The following GYPB variants were observed in gnomAD, a reference collection of about 807,000 sequenced individuals.
GYPB encodes the protein glycophorin B (MNS blood group), also known as glycophorin-B.
A neutral mutation model predicts 15.3 loss-of-function variants in GYPB; 13 were observed. That is an observed-to-expected ratio of 0.85 (90% CI 0.55 to 1.35). The LOEUF (loss-of-function observed/expected upper bound fraction) is 1.35. GYPB is among the 40% of genes most tolerant of loss of function. The pLI is 0.00. For synonymous variants in GYPB, 38 were observed against 36.9 expected, an observed-to-expected ratio of 1.03 and a Z score of -0.11; for missense variants, 131 against 108.3, an observed-to-expected ratio of 1.21 and a Z score of -0.93.
chr4:144,014,852 A>G (rs529116034), intron 1 of GYPB, among the ~76,000 whole-genome samples: 9 of 151,670 alleles, frequency 5.9e-5, no homozygotes, highest in South Asian at 2.1e-4. Flanking sequence ...GGCACAAAGT[A>G]AGTGCTATAT....
At chr4:144,002,141 A>G (rs572547976) in intron 1 of GYPB, among the ~76,000 whole-genome samples, 2 of 151,398 alleles carry the variant, frequency 1.3e-5, no homozygotes, top group African/African-American at 4.9e-5. Context: ...AAAATTTTAT[A>G]AATTCTTTAA....
At chr4:143,999,860 C>G (rs1579048262) in intron 2 of GYPB, among the ~76,000 whole-genome samples, 3 of 151,654 alleles carry the variant, frequency 2.0e-5, no homozygotes, top group African/African-American at 7.3e-5. Context: ...GGTCATGCGG[C>G]TATCAATTTT....
intron 1 of GYPB, among the ~76,000 whole-genome samples, chr4:144,008,877 A>T (rs1304991383): frequency 6.6e-6 from 1 of 151,498 alleles, no homozygotes; most frequent in African/African-American, 2.5e-5. Context: ...CAGCAGTGAG[A>T]ACAACTGCTC....
Position 144,001,192 on chromosome 4 carries a change from C to T in GYPB, c.129G>A (p.Gln43=). 2 of 1,612,882 alleles carry T rather than the reference C, an allele frequency of 1.2e-6. No individual in the cohort carries two copies. Among genetic ancestry groups the T allele is most frequent in the Non-Finnish European group, 1.7e-6 (2 of 1,179,816 alleles). ...SSVTKSYISS[Q]TNGETGQLVH... is the part of the protein sequence containing the mutation. ...ATAAAAATGAAAACAAACCATTTGT[C>T]TGTGATGAGATGTAACTCTTTGTGA... is the stretch of plus-strand genomic sequence containing the variant. Residue 43 remains glutamine, a synonymous_variant, in exon 2 of 5, where the codon CAG becomes CAA. Coordinates refer to ENST00000502664, the MANE Select transcript of GYPB (RefSeq NM_002100.6).
At chr4:143,995,547 T>A (rs945693675), downstream of GYPB, among the ~76,000 whole-genome samples, 28 of 151,070 alleles carry the variant, frequency 1.9e-4, 1 homozygote, top group African/African-American at 6.9e-4. Flanking sequence ...CATCCTGGAG[T>A]CCCTCAGAGA....
chr4:144,009,843 G>C (rs1728126620), intron 1 of GYPB, among the ~76,000 whole-genome samples: 1 of 150,528 alleles, frequency 6.6e-6, no homozygotes, highest in Non-Finnish European at 1.5e-5. Flanking sequence ...TCGATCTCCT[G>C]ACCTCGTGAT....
chr4:144,012,889 A>G (rs1444098467), intron 1 of GYPB: 1 of 151,698 alleles, frequency 6.6e-6, no homozygotes, highest in Non-Finnish European at 1.5e-5. Context: ...TTATGACTTT[A>G]AATTTGGCAA....
At position 144,008,172 on chromosome 4, in the gene GYPB, G is replaced by A. The variant is rs148852059; in HGVS notation, c.38-6889C>T. On this transcript the variant is annotated intron_variant, in intron 1 of 4. Coordinates refer to ENST00000502664, the MANE Select transcript of GYPB (RefSeq NM_002100.6). Reference sequence around the variant, plus strand: ...CTGACTTGCTTAAGTTCACACAGCCGCCAAGTGGCAGAACTGGATTTTGAA... The same window carrying A: ...CTGACTTGCTTAAGTTCACACAGCCACCAAGTGGCAGAACTGGATTTTGAA... Among the ~76,000 whole-genome samples, 104 of 151,144 alleles carry A rather than the reference G, an allele frequency of 6.9e-4. 4 individuals are homozygous for A. Among genetic ancestry groups the A allele is most frequent in the African/African-American group, 1.9e-3 (76 of 40,478 alleles).
intron 1 of GYPB, among the ~76,000 whole-genome samples, chr4:144,001,580 T>C (rs1466089717): frequency 2.6e-5 from 4 of 151,418 alleles, no homozygotes; most frequent in Admixed American, 2.6e-4. Flanking sequence ...CAAAATGTCA[T>C]TGTGAGAACG....
rs1394112745 is a variant in GYPB, at chr4:144,011,541, A to T, written c.37+7710T>A. 8.4e-3 allele frequency among the ~76,000 whole-genome samples: 1,263 copies of T among 150,258 alleles called. 30 individuals carry two copies. The highest frequency in any genetic ancestry group is 0.029 in the African/African-American group (1,164 of 39,592). On this transcript the variant is annotated intron_variant, in intron 1 of 4. Transcript: ENST00000502664. ...GATTCTTAAGTAATTATGGACCATT[A>T]TAGCCCAATAATATAGCAACGAGAA...
At chr4:144,008,327 T>C (rs1338475310) in intron 1 of GYPB, 1 of 449,808 alleles carries the variant, frequency 2.2e-6, no homozygotes, top group Non-Finnish European at 4.5e-6. Flanking sequence ...TGCAACCAAC[T>C]CTCAAGCAAG....
At chr4:144,015,014 T>C (rs1160558469) in intron 1 of GYPB, among the ~76,000 whole-genome samples, 1 of 151,422 alleles carries the variant, frequency 6.6e-6, no homozygotes, top group Non-Finnish European at 1.5e-5. Context: ...TTCCAGTGCT[T>C]ACATATAATA....
At chr4:144,015,700 T>C (rs1728450807) in intron 1 of GYPB, among the ~76,000 whole-genome samples, 1 of 151,310 alleles carries the variant, frequency 6.6e-6, no homozygotes, top group South Asian at 2.1e-4. Flanking sequence ...TGCAAAGGAG[T>C]TCACAGTGGG....
At chr4:144,007,491 A>G (rs866156026) in intron 1 of GYPB, among the ~76,000 whole-genome samples, 8 of 150,868 alleles carry the variant, frequency 5.3e-5, no homozygotes, top group South Asian at 4.2e-4. Context: ...TGAACTTTTT[A>G]TCCTGGCTCT....
downstream of GYPB, among the ~76,000 whole-genome samples, chr4:143,995,212 G>A (rs751508093): frequency 1.3e-4 from 20 of 151,350 alleles, 2 homozygotes; most frequent in South Asian, 4.2e-4. Context: ...TGACTGTAAT[G>A]TCTGAGGTTT....
rs1362521779 is a variant in GYPB, at chr4:144,009,287, C to G, written c.38-8004G>C. 5.0e-4 allele frequency among the ~76,000 whole-genome samples: 76 copies of G among 151,410 alleles called. 2 individuals are homozygous for G. Among genetic ancestry groups the G allele is most frequent in the African/African-American group, 1.6e-3 (65 of 40,700 alleles). ...GAAAGCTCCACAGGAATTTAGATTG[C>G]AAATCTTTAGTCTAAAACTTAAGTT... On this transcript the variant is annotated intron_variant, in intron 1 of 4. Coordinates refer to ENST00000502664, the MANE Select transcript of GYPB (RefSeq NM_002100.6).
intron 1 of GYPB, among the ~76,000 whole-genome samples, chr4:144,007,364 C>T (rs1727975437): frequency 6.6e-6 from 1 of 151,950 alleles, no homozygotes; most frequent in Non-Finnish European, 1.5e-5. Context: ...TGGCAGTCCC[C>T]ATACAACTAA....
At chr4:144,013,341 C>T (rs1308938533) in intron 1 of GYPB, among the ~76,000 whole-genome samples, 2 of 151,052 alleles carry the variant, frequency 1.3e-5, no homozygotes, top group African/African-American at 4.9e-5. Context: ...CTAGTTCAAC[C>T]ATTGTGGAAG....
chr4:144,005,544 A>G (rs945237984), intron 1 of GYPB, among the ~76,000 whole-genome samples: 1 of 151,698 alleles, frequency 6.6e-6, no homozygotes, highest in African/African-American at 2.4e-5. Flanking sequence ...GTGTCCTTAT[A>G]CCATAGCCGC....
Sources: gnomAD v4.1 joint callset for allele counts (sites outside exome capture counted in the v4.1 genomes callset) on GRCh38, gnomAD v4.1.1 for gene constraint, MANE v1.5 for transcripts, NCBI Gene and HGNC (gene_info 2026-07-23, HGNC 2026-07-21) for gene names.